Variants in INPP5D observed in about 807,000 individuals in gnomAD.
INPP5D encodes phosphatidylinositol 3,4,5-trisphosphate 5-phosphatase 1.
In INPP5D, 33 loss-of-function variants were observed where a neutral mutation model predicts 122.9. That is an observed-to-expected ratio of 0.27 (90% confidence interval 0.20 to 0.36). INPP5D has a LOEUF of 0.36. Among genes scored for constraint, INPP5D ranks in the 10% least tolerant of loss-of-function variants. The pLI is 1.00. For synonymous variants in INPP5D, 584 were observed against 576.2 expected (o/e 1.01, Z -0.19); for missense variants, 1,053 against 1,412.7 (o/e 0.75, Z 4.08).
At chr2:233,167,462 G>A (rs936436064) in intron 13 of INPP5D, among the ~76,000 whole-genome samples, 1 of 152,174 alleles carries the variant, frequency 6.6e-6, no homozygotes, top group Non-Finnish European at 1.5e-5. Flanking sequence ...TCCATAACTT[G>A]CCCAAGGCCC....
chr2:233,081,626 G>A (rs1691691545), intron 2 of INPP5D, among the ~76,000 whole-genome samples: 1 of 152,198 alleles, frequency 6.6e-6, no homozygotes, highest in African/African-American at 2.4e-5. Context: ...TCAGGCTACT[G>A]GGCAGGGGGT....
Position 233,169,306 on chromosome 2 carries a change from G to A in INPP5D, c.1557G>A (p.Gly519=). The change falls in exon 14 of 27, where the codon GGG becomes GGA. Residue 519 remains glycine (G), a splice_region_variant and synonymous_variant. Coordinates refer to ENST00000445964, the MANE Select transcript of INPP5D (RefSeq NM_001017915.3). ...TCTTCTTTCTGCTCTTCTTTTTAGG[G>A]AACAAGGGAGCCGTGGGGGTGTCGT... ...NVKTGIANTL[G]NKGAVGVSFM... The A allele has an allele frequency of 6.2e-7, 1 of 1,600,112 alleles. No homozygotes were observed.
At chr2:233,092,128 C>T (rs905664970) in intron 2 of INPP5D, among the ~76,000 whole-genome samples, 1 of 152,208 alleles carries the variant, frequency 6.6e-6, no homozygotes, top group Non-Finnish European at 1.5e-5. Flanking sequence ...ATCAGCTCTG[C>T]GAGGTTGGCG....
intron 1 of INPP5D, among the ~76,000 whole-genome samples, chr2:233,077,381 T>G (rs768282949): frequency 6.6e-6 from 1 of 152,066 alleles, no homozygotes; most frequent in Non-Finnish European, 1.5e-5. Context: ...TTAAACAGGG[T>G]CAAGTGCAGT....
At chr2:233,169,957 T>TG in intron 14 of INPP5D, 69 bp from the exon 15 acceptor site, 1 of 1,601,504 alleles carries the variant, frequency 6.2e-7, no homozygotes, top group Non-Finnish European at 8.5e-7. Context: ...ATGGCAGGAG[T>TG]GACTTCCTGC....
chr2:233,136,329 A>T (rs554036999), intron 5 of INPP5D, among the ~76,000 whole-genome samples: 178 of 152,322 alleles, frequency 1.2e-3, no homozygotes, highest in African/African-American at 4.0e-3. Context: ...AATACAAAAA[A>T]TTAGCTGAAT....
At position 233,164,834 on chromosome 2, in the gene INPP5D, A is replaced by T. The variant is rs1694286836; in HGVS notation, c.1555+410A>T. ...ATATTTCAGGCTTTGCAGGCCACTC[A>T]ACACTATTCCTCTCTGCCTTTCTGG... On this transcript the variant is annotated intron_variant, in intron 13 of 26. Coordinates refer to ENST00000445964, the MANE Select transcript of INPP5D (RefSeq NM_001017915.3). The surrounding 1 kb of genome is among the most constrained non-coding windows in gnomAD (Gnocchi z 4.3). 6.6e-6 allele frequency among the ~76,000 whole-genome samples: 1 copy of T among 152,210 alleles called. No individual in the cohort carries two copies. The highest frequency in any genetic ancestry group is 1.5e-5 in the Non-Finnish European group (1 of 68,040).
intron 1 of INPP5D, among the ~76,000 whole-genome samples, chr2:233,068,881 C>A (rs973779233): frequency 8.5e-5 from 13 of 152,202 alleles, no homozygotes; most frequent in Middle Eastern, 3.4e-3. Flanking sequence ...AGCCTGGAAG[C>A]CAGCAGGAGG....
At chr2:233,190,721 CAT>C (rs907057150) in intron 22 of INPP5D, among the ~76,000 whole-genome samples, 6 of 152,214 alleles carry the variant, frequency 3.9e-5, no homozygotes, top group Non-Finnish European at 8.8e-5. Flanking sequence ...TGCTAGACCA[CAT>C]GTGTGGCTAG....
chr2:233,127,025 G>A (rs1008943456), intron 4 of INPP5D, among the ~76,000 whole-genome samples: 1 of 152,098 alleles, frequency 6.6e-6, no homozygotes, highest in Non-Finnish European at 1.5e-5. Flanking sequence ...GGGAAGAGTC[G>A]GGGAGGCCCC....
rs1695496116 is a variant in INPP5D, at chr2:233,206,165, C to T, written c.3568-541C>T. Reference sequence around the variant, plus strand: ...GTGCCTTGAGCCTCAGTTTACCCATCTGTAAAAAGGGGCTGTTAATAGTAC... The same window carrying T: ...GTGCCTTGAGCCTCAGTTTACCCATTTGTAAAAAGGGGCTGTTAATAGTAC... On this transcript the variant is annotated intron_variant, in intron 26 of 26. Transcript: ENST00000445964. The surrounding 1 kb of genome is among the most constrained non-coding windows in gnomAD (Gnocchi z 4.0). Among the ~76,000 whole-genome samples, 1 of 152,082 alleles carries T rather than the reference C, an allele frequency of 6.6e-6. No individual in the cohort carries two copies.
chr2:233,106,532 A>G (rs1449556133), intron 2 of INPP5D, among the ~76,000 whole-genome samples: 1 of 152,186 alleles, frequency 6.6e-6, no homozygotes, highest in African/African-American at 2.4e-5. Flanking sequence ...CAGATTCATC[A>G]CGCTCTAGTG....
At chr2:233,135,539 A>G (rs1339786290) in intron 5 of INPP5D, among the ~76,000 whole-genome samples, 4 of 151,980 alleles carry the variant, frequency 2.6e-5, no homozygotes, top group Non-Finnish European at 4.4e-5. Context: ...AATTCAACAA[A>G]CAGATTGTTA....
rs1352228991 is a variant in INPP5D, at chr2:233,147,708, G to A, written c.1030+114G>A. 3.6e-5 allele frequency: 23 copies of A among 637,296 alleles called. No homozygotes were observed. The East Asian group carries it at 4.9e-4, about 14-fold the overall frequency. The allele number at this position is 637,296 out of a possible 1,614,324, so 39.5% of individuals were successfully genotyped here. ...GCAGGTCTGTCTTCCGCACGCATGC[G>A]CGCCTGCGCTCATGCTTTTGTGTGT... On this transcript the variant is annotated intron_variant, in intron 9 of 26. Coordinates refer to ENST00000445964, the MANE Select transcript of INPP5D (RefSeq NM_001017915.3).
intron 26 of INPP5D, 196 bp downstream of exon 26, chr2:233,204,913 T>A: frequency 1.1e-6 from 1 of 926,698 alleles, no homozygotes; most frequent in Non-Finnish European, 1.5e-6. Flanking sequence ...AGAGTCAGGA[T>A]TTGAACCCAG....
chr2:233,144,388 G>C (rs1344847160), intron 6 of INPP5D, among the ~76,000 whole-genome samples: 7 of 150,476 alleles, frequency 4.7e-5, no homozygotes, highest in Admixed American at 6.6e-5. Flanking sequence ...TCATGATCAC[G>C]GTGGGAGTGA....
intron 14 of INPP5D, 154 bp from the exon 15 acceptor site, chr2:233,169,872 A>T: frequency 1.4e-6 from 2 of 1,419,964 alleles, no homozygotes; most frequent in Admixed American, 3.9e-5. Flanking sequence ...TTGCACACTA[A>T]GGAGTTCTGC....
chr2:233,114,697 C>G (rs1022783051), intron 2 of INPP5D, among the ~76,000 whole-genome samples: 1 of 152,130 alleles, frequency 6.6e-6, no homozygotes, highest in African/African-American at 2.4e-5. Context: ...AGTCTCCCCA[C>G]TGGGAAATGG....
chr2:233,166,071 G>A lies in INPP5D; in HGVS notation c.1555+1647G>A, dbSNP rs372349144. On this transcript the variant is annotated intron_variant, in intron 13 of 26. Transcript: ENST00000445964. ...TGCTGACAAACCGCAAACTGCCCGCGTCCACCCCCACTCGTCCCCCTTCCT... is the reference window on the plus strand; with the variant it reads ...TGCTGACAAACCGCAAACTGCCCGCATCCACCCCCACTCGTCCCCCTTCCT... Among the ~76,000 whole-genome samples, 24 of 152,198 alleles carry A rather than the reference G, an allele frequency of 1.6e-4. No individual in the cohort carries two copies. The South Asian group carries it at 4.8e-3, about 30-fold the overall frequency.
Sources: gnomAD v4.1 joint callset for allele counts (sites outside exome capture counted in the v4.1 genomes callset) on GRCh38, gnomAD v4.1.1 for gene constraint, Gnocchi (gnomAD v3.1) non-coding constraint, MANE v1.5 for transcripts, NCBI Gene and HGNC (gene_info 2026-07-23, HGNC 2026-07-21) for gene names.